Variants in SLC7A5 observed in about 807,000 individuals in gnomAD.
SLC7A5 encodes the protein large neutral amino acids transporter small subunit 1.
Under a neutral mutation model 50.2 loss-of-function variants are expected in SLC7A5, and 23 were observed. The ratio of observed to expected loss-of-function variants is 0.46; its 90% CI spans 0.33 to 0.65. The LOEUF (loss-of-function observed/expected upper bound fraction) is 0.65. Ranked by LOEUF, SLC7A5 falls within the 30% of genes least tolerant of loss-of-function variation. The probability of loss-of-function intolerance (pLI) is 0.02; values close to 1 mark genes in which losing one functional copy is unlikely to be tolerated. For synonymous variants in SLC7A5, 393 were observed against 330.6 expected (o/e 1.19, Z -2.05); for missense variants, 578 against 684.4 (o/e 0.84, Z 1.73).
Position 87,860,952 on chromosome 16 carries a change from G to C in SLC7A5, c.538+7933C>G, listed in dbSNP as rs1041676580. 6.6e-6 allele frequency among the ~76,000 whole-genome samples: 1 copy of C among 152,238 alleles called. No homozygotes were observed. Among genetic ancestry groups the C allele is most frequent in the Non-Finnish European group, 1.5e-5 (1 of 68,038 alleles). On this transcript the variant is annotated intron_variant, in intron 1 of 9. Coordinates refer to ENST00000261622, the MANE Select transcript of SLC7A5 (RefSeq NM_003486.7). This position sits in a 1 kb window ranked among gnomAD's most constrained non-coding sequence, Gnocchi z 4.8. ...GCACGCACGTGCTGTGGCCACCCCGGAGGGTCCGCCTTCCAGAGGGAGAAT... is the reference window on the plus strand; with the variant it reads ...GCACGCACGTGCTGTGGCCACCCCGCAGGGTCCGCCTTCCAGAGGGAGAAT...
intron 4 of SLC7A5, 62 bp from the exon 5 acceptor site, chr16:87,839,887 C>T (rs2055062160): frequency 6.2e-7 from 1 of 1,608,934 alleles, no homozygotes; most frequent in South Asian, 1.1e-5. Flanking sequence ...AAACCCTGTG[C>T]CCAGGAGCCA....
Position 87,864,293 on chromosome 16 carries a change from A to AAAAT in SLC7A5, c.538+4588_538+4591dup, listed in dbSNP as rs530866497. Among the ~76,000 whole-genome samples the AAAAT allele has an allele frequency of 8.0e-4, 121 of 151,826 alleles. 1 individual carries two copies. The highest frequency in any genetic ancestry group is 7.5e-3 in the South Asian group (36 of 4,822). ...GACAAAAAGAGCGAAACTCCACCTC[A>AAAAT]AAATAAATAAATAAATAAATAATAA... On this transcript the variant is annotated intron_variant, in intron 1 of 9. Transcript: ENST00000261622.
At position 87,832,906 on chromosome 16, in the gene SLC7A5, G is replaced by A. The variant is rs371639937; in HGVS notation, c.*64C>T. On this transcript the variant is annotated 3_prime_UTR_variant, in exon 10 of 10. Transcript: ENST00000261622. The surrounding 1 kb of genome is among the most constrained non-coding windows in gnomAD (Gnocchi z 4.6). The stretch of plus-strand genomic sequence containing the variant: ...GGTTGCGGGGAACCGGAGTGGGTTC[G>A]AGGAGGTGATCTACTTTAACTGGCC... 2.2e-5 allele frequency: 30 copies of A among 1,361,528 alleles called. No homozygotes were observed. The highest frequency in any genetic ancestry group is 1.5e-4 in the Admixed American group (9 of 59,610). 84.3% of individuals were successfully genotyped at this position (1,361,528 alleles called of 1,614,324 possible). A position where few individuals can be genotyped will look rare whatever the true frequency, so the allele number is the denominator to read the frequency against.
Position 87,833,399 on chromosome 16 carries a change from TG to T in SLC7A5, c.1469-375del, listed in dbSNP as rs2054956758. On this transcript the variant is annotated intron_variant, in intron 9 of 9. Coordinates refer to ENST00000261622, the MANE Select transcript of SLC7A5 (RefSeq NM_003486.7). The surrounding 1 kb of genome is among the most constrained non-coding windows in gnomAD (Gnocchi z 6.0). ...CCGGGCCACCACCTGGACACATGCC[TG>T]GACTGTTCACAGCAGGCAGGGCCGG... is the stretch of plus-strand genomic sequence containing the variant. Among the ~76,000 whole-genome samples the T allele has an allele frequency of 6.6e-6, 1 of 152,204 alleles. No homozygotes were observed. Among genetic ancestry groups the T allele is most frequent in the Non-Finnish European group, 1.5e-5 (1 of 68,028 alleles).
intron 2 of SLC7A5, among the ~76,000 whole-genome samples, chr16:87,842,922 T>C (rs1001512564): frequency 2.6e-5 from 4 of 152,306 alleles, no homozygotes; most frequent in Middle Eastern, 3.4e-3. Flanking sequence ...TGTTCTGGAA[T>C]GTGCAGACCC....
chr16:87,848,911 A>G (rs1306754238), intron 2 of SLC7A5, among the ~76,000 whole-genome samples: 1 of 70,886 alleles, frequency 1.4e-5, no homozygotes, highest in African/African-American at 1.1e-4. Flanking sequence ...GACGAGGAGG[A>G]AACAGGTCAG....
intron 8 of SLC7A5, among the ~76,000 whole-genome samples, chr16:87,835,064 G>A (rs1292037017): frequency 6.6e-6 from 1 of 152,262 alleles, no homozygotes; most frequent in Non-Finnish European, 1.5e-5. Flanking sequence ...CAGCAGATGA[G>A]CTCCACCCGG....
At chr16:87,857,230 T>C (rs2143810165) in intron 1 of SLC7A5, among the ~76,000 whole-genome samples, 1 of 152,248 alleles carries the variant, frequency 6.6e-6, no homozygotes, top group East Asian at 1.9e-4. Flanking sequence ...TTCACATTTT[T>C]TTTTTTTTTG....
intron 1 of SLC7A5, among the ~76,000 whole-genome samples, chr16:87,867,480 C>T (rs1337667885): frequency 6.6e-6 from 1 of 152,172 alleles, no homozygotes; most frequent in African/African-American, 2.4e-5. Flanking sequence ...CGACTCAGAG[C>T]CTCAGAGAAA....
intron 2 of SLC7A5, among the ~76,000 whole-genome samples, chr16:87,846,776 C>T (rs547540523): frequency 6.6e-5 from 10 of 152,364 alleles, no homozygotes; most frequent in Non-Finnish European, 1.0e-4. Flanking sequence ...CCCAGGCCTG[C>T]TCCGCTCTTG....
chr16:87,848,977 G>A (rs909420856), intron 2 of SLC7A5, among the ~76,000 whole-genome samples: 1 of 152,234 alleles, frequency 6.6e-6, no homozygotes, highest in Non-Finnish European at 1.5e-5. Context: ...GGCCCACCTG[G>A]GGGCCAAGGG....
At position 87,860,061 on chromosome 16, in the gene SLC7A5, G is replaced by A. The variant is rs12443786; in HGVS notation, c.539-8212C>T. 7.3e-5 allele frequency among the ~76,000 whole-genome samples: 11 copies of A among 151,308 alleles called. No homozygotes were observed. Among genetic ancestry groups the A allele is most frequent in the Admixed American group, 6.6e-4 (10 of 15,220 alleles). ...AATCAGAAAATCTTTTGCCAGGCAC[G>A]GTGGCTCACACCTGTAATCCCAGCA... On this transcript the variant is annotated intron_variant, in intron 1 of 9. Coordinates refer to ENST00000261622, the MANE Select transcript of SLC7A5 (RefSeq NM_003486.7). The surrounding 1 kb of genome is among the most constrained non-coding windows in gnomAD (Gnocchi z 4.8).
rs913211006 is a variant in SLC7A5, at chr16:87,860,009, A to G, written c.539-8160T>C. Among the ~76,000 whole-genome samples the G allele has an allele frequency of 1.1e-4, 17 of 152,100 alleles. No individual in the cohort carries two copies. Among genetic ancestry groups the G allele is most frequent in the African/African-American group, 4.1e-4 (17 of 41,514 alleles). On this transcript the variant is annotated intron_variant, in intron 1 of 9. Transcript: ENST00000261622. The surrounding 1 kb of genome is among the most constrained non-coding windows in gnomAD (Gnocchi z 4.8). ...TCCTTTCTATTGATACCAGGTCTTT[A>G]GCTAATAACTCTTTCAACCAATTGT...
intron 6 of SLC7A5, 125 bp downstream of exon 6, chr16:87,838,588 TG>T: frequency 1.3e-6 from 1 of 781,842 alleles, no homozygotes; most frequent in Non-Finnish European, 2.3e-6. Flanking sequence ...CCACCATGCC[TG>T]GCCTATTTGA....
At chr16:87,866,091 T>A (rs8056033) in intron 1 of SLC7A5, among the ~76,000 whole-genome samples, 1 of 150,912 alleles carries the variant, frequency 6.6e-6, no homozygotes, top group Admixed American at 6.6e-5. Context: ...CTCCACAGGG[T>A]TCTATGGGGG....
chr16:87,846,259 T>C (rs113604267), intron 2 of SLC7A5, among the ~76,000 whole-genome samples: 5,498 of 152,302 alleles, frequency 0.036, 315 homozygotes, highest in African/African-American at 0.12. Flanking sequence ...CACAGAGAGA[T>C]GCCCTGGAGT....
rs1251801773 is a variant in SLC7A5 at position 87,833,451 on chromosome 16, C to T, written c.1469-426G>A. Among the ~76,000 whole-genome samples the T allele has an allele frequency of 6.6e-6, 1 of 152,122 alleles. No individual in the cohort carries two copies. The highest frequency in any genetic ancestry group is 2.1e-4 in the South Asian group (1 of 4,832). On this transcript the variant is annotated intron_variant, in intron 9 of 9. Transcript: ENST00000261622. The surrounding 1 kb of genome is among the most constrained non-coding windows in gnomAD (Gnocchi z 6.0). ...AGGGGCCAATCTGCTAACGGGTCCT[C>T]GGAAGACCTGTCGCGCCTGGGACTG...
In SLC7A5 at chr16:87,861,719, G is replaced by A. The variant is rs188294654; in HGVS notation, c.538+7166C>T. Among the ~76,000 whole-genome samples the A allele has an allele frequency of 3.1e-3, 475 of 152,258 alleles. 2 individuals carry two copies. Among genetic ancestry groups the A allele is most frequent in the African/African-American group, 0.01 (431 of 41,548 alleles). Reference sequence around the variant, plus strand: ...TGAAGGCGGCTGATACACATTTCTGGGCAAGATTCTGCACATTCTGCTGGA... The same window carrying A: ...TGAAGGCGGCTGATACACATTTCTGAGCAAGATTCTGCACATTCTGCTGGA... On this transcript the variant is annotated intron_variant, in intron 1 of 9. Transcript: ENST00000261622. The surrounding 1 kb of genome is among the most constrained non-coding windows in gnomAD (Gnocchi z 4.2).
chr16:87,834,368 C>T, intron 9 of SLC7A5, 46 bp downstream of exon 9: 1 of 1,544,526 alleles, frequency 6.5e-7, no homozygotes, highest in Non-Finnish European at 8.8e-7. Context: ...CCCTTCGCTG[C>T]CCAGGGCAGA....
Sources: gnomAD v4.1 joint callset for allele counts (sites outside exome capture counted in the v4.1 genomes callset) on GRCh38, gnomAD v4.1.1 for gene constraint, Gnocchi (gnomAD v3.1) non-coding constraint, MANE v1.5 for transcripts, NCBI Gene and HGNC (gene_info 2026-07-23, HGNC 2026-07-21) for gene names.